Variants in KLHL13 observed in about 807,000 individuals in gnomAD.
KLHL13 encodes the protein kelch-like protein 13.
KLHL13 carries 10 observed loss-of-function variants against 37.1 expected under a neutral mutation model. That is an observed-to-expected ratio of 0.27 (90% confidence interval 0.17 to 0.46). The LOEUF is 0.46. Ranked by LOEUF, KLHL13 falls within the 20% of genes least tolerant of loss-of-function variation. KLHL13 has a pLI of 1.00. For synonymous variants in KLHL13, 163 were observed against 181.2 expected (o/e 0.90, Z 0.81); for missense variants, 360 against 509.3 (o/e 0.71, Z 2.82).
At chrX:118,107,556 T>C (rs963176859) in intron 1 of KLHL13, among the ~76,000 whole-genome samples, 1 of 112,157 alleles carries the variant, frequency 8.9e-6, no homozygotes, top group African/African-American at 3.2e-5. Context: ...ATAGTTATAT[T>C]TCATATGTGG....
intron 2 of KLHL13, among the ~76,000 whole-genome samples, chrX:117,936,519 AATTC>A: frequency 9.0e-6 from 1 of 111,710 alleles, no homozygotes; most frequent in East Asian, 2.8e-4. Flanking sequence ...ATAATCATTT[AATTC>A]ATTAACTATT....
At chrX:118,091,135 G>C in intron 1 of KLHL13, among the ~76,000 whole-genome samples, 1 of 72,600 alleles carries the variant, frequency 1.4e-5, no homozygotes, top group East Asian at 5.8e-4. Context: ...TTGTGGGGTG[G>C]GGGGAGGGGG....
rs752543485 is a variant in KLHL13 at position 118,079,988 on chromosome X, C to T, written c.-56+36520G>A. On this transcript the variant is annotated intron_variant, in intron 1 of 6. Transcript: ENST00000371882. The stretch of plus-strand genomic sequence containing the variant: ...CAGAAATAAAGCCACACACCTACAA[C>T]CATCAGATCTTTGACAAGGCCAACA... Among the ~76,000 whole-genome samples, 9 of 111,547 alleles carry T rather than the reference C, an allele frequency of 8.1e-5. No individual in the cohort carries two copies. The East Asian group carries it at 1.7e-3, about 21-fold the overall frequency.
chrX:118,002,263 T>C (rs933941009), intron 1 of KLHL13, among the ~76,000 whole-genome samples: 2 of 111,145 alleles, frequency 1.8e-5, no homozygotes, highest in African/African-American at 6.5e-5. Context: ...AAAATTGTTA[T>C]ACAAAGTGCT....
chrX:118,019,107 A>G (rs1185963588), intron 1 of KLHL13, among the ~76,000 whole-genome samples: 2 of 111,036 alleles, frequency 1.8e-5, no homozygotes, highest in African/African-American at 6.5e-5. Context: ...AATAGAATAT[A>G]TCATTATTAA....
intron 1 of KLHL13, among the ~76,000 whole-genome samples, chrX:118,053,765 T>TTGTG (rs774059071): frequency 7.8e-4 from 53 of 67,902 alleles, no homozygotes; most frequent in African/African-American, 2.5e-3. Context: ...CAATCTCAAT[T>TTGTG]TGTGTGTGTG....
intron 1 of KLHL13, among the ~76,000 whole-genome samples, chrX:118,022,808 T>A (rs775822055): frequency 4.5e-5 from 5 of 112,169 alleles, no homozygotes; most frequent in Middle Eastern, 4.6e-3. Flanking sequence ...TGTTTATTGT[T>A]TTCCTTCCCA....
intron 1 of KLHL13, among the ~76,000 whole-genome samples, chrX:118,051,436 G>T (rs1417311810): frequency 9.1e-6 from 1 of 109,451 alleles, no homozygotes; most frequent in Non-Finnish European, 1.9e-5. Context: ...AGCTACTCAG[G>T]AGGCCGAGGC....
intron 1 of KLHL13, among the ~76,000 whole-genome samples, chrX:118,047,272 A>T (rs2054570067): frequency 8.9e-6 from 1 of 112,341 alleles, no homozygotes; most frequent in African/African-American, 3.2e-5. Context: ...AATTATTTAT[A>T]ATCATGCAGT....
chrX:117,905,409 C>T (rs1220280754), intron 5 of KLHL13, among the ~76,000 whole-genome samples: 9 of 111,188 alleles, frequency 8.1e-5, no homozygotes. Context: ...TCTAAGCCTC[C>T]CCTAGTTTCC....
At chrX:118,110,382 T>TC (rs1322955389) in intron 1 of KLHL13, among the ~76,000 whole-genome samples, 7 of 98,634 alleles carry the variant, frequency 7.1e-5, no homozygotes, top group Admixed American at 3.3e-4. Flanking sequence ...TTTTTCTTTT[T>TC]TTTTTTTTTT....
intron 1 of KLHL13, among the ~76,000 whole-genome samples, chrX:118,021,460 A>G (rs1212723169): frequency 9.3e-6 from 1 of 108,067 alleles, no homozygotes; most frequent in Non-Finnish European, 1.9e-5. Context: ...TCATTGTTCA[A>G]TTCCCACCTA....
At chrX:117,905,026 T>C (rs899137932) in intron 5 of KLHL13, among the ~76,000 whole-genome samples, 5 of 111,334 alleles carry the variant, frequency 4.5e-5, no homozygotes, top group Non-Finnish European at 7.5e-5. Context: ...TTCTTTAAGA[T>C]TAGGAAAGAG....
rs12837091 is a variant in KLHL13 at position 118,050,614 on chromosome X, T to A, written c.-56+65894A>T. ...TCTCTCTCTCTCTCTCTGATTTACT[T>A]TTTCCTTATTCACCTAATTAAGGAA... On this transcript the variant is annotated intron_variant, in intron 1 of 6. Coordinates refer to the KLHL13 transcript ENST00000371882. Among the ~76,000 whole-genome samples, 773 of 111,454 alleles carry A rather than the reference T, an allele frequency of 6.9e-3. 11 individuals are homozygous for A. The highest frequency in any genetic ancestry group is 0.024 in the African/African-American group (729 of 30,643).
At chrX:118,021,296 T>C (rs748351665) in intron 1 of KLHL13, among the ~76,000 whole-genome samples, 54 of 105,716 alleles carry the variant, frequency 5.1e-4, no homozygotes, top group Non-Finnish European at 4.5e-4. Context: ...ATGTGCAGGT[T>C]AGTTACATAT....
intron 4 of KLHL13, among the ~76,000 whole-genome samples, chrX:117,910,720 GC>G (rs1363156791): frequency 1.8e-5 from 2 of 111,631 alleles, no homozygotes; most frequent in African/African-American, 6.5e-5. Context: ...GGAAATATAA[GC>G]AAGGAAATGT....
At chrX:117,977,363 T>C (rs897234146), upstream of KLHL13, among the ~76,000 whole-genome samples, 9 of 111,653 alleles carry the variant, frequency 8.1e-5, no homozygotes, top group African/African-American at 2.9e-4. Context: ...AATACTCTGA[T>C]TTTTTTTCTC....
intron 4 of KLHL13, among the ~76,000 whole-genome samples, chrX:117,918,900 A>C (rs2032003849): frequency 8.9e-6 from 1 of 112,358 alleles, no homozygotes; most frequent in Non-Finnish European, 1.9e-5. Flanking sequence ...TACATTTAAG[A>C]AGCCTGCTTG....
At chrX:117,943,878 G>C (rs1933181618) in intron 2 of KLHL13, among the ~76,000 whole-genome samples, 1 of 110,384 alleles carries the variant, frequency 9.1e-6, no homozygotes, top group South Asian at 3.9e-4. Flanking sequence ...TGCTGGCGAG[G>C]AGTTGTGATC....
Sources: gnomAD v4.1 joint callset for allele counts (sites outside exome capture counted in the v4.1 genomes callset) on GRCh38, gnomAD v4.1.1 for gene constraint, MANE v1.5 for transcripts, NCBI Gene and HGNC (gene_info 2026-07-23, HGNC 2026-07-21) for gene names.